FANCC: variants seen among roughly 807,000 people sequenced by gnomAD.
FANCC encodes FA complementation group C.
A neutral mutation model predicts 71.3 loss-of-function variants in FANCC; 55 were observed. That is an observed-to-expected ratio of 0.77 (90% confidence interval 0.62 to 0.97). FANCC has a LOEUF of 0.97. FANCC is among the 50% of genes least tolerant of loss of function. FANCC has a pLI of 0.00. For missense variants in FANCC, 678 were observed against 670.9 expected (o/e 1.01, Z -0.12); for synonymous variants, 275 against 244.9 (o/e 1.12, Z -1.15).
chr9:95,149,817 A>G (rs1830037781), intron 7 of FANCC, 106 bp downstream of exon 7: 1 of 1,291,444 alleles, frequency 7.7e-7, no homozygotes, highest in African/African-American at 1.5e-5. Context: ...AAGGGTACTG[A>G]GACAAAAACG....
chr9:95,249,036 G>A, intron 2 of FANCC, 91 bp downstream of exon 2: 3 of 1,396,172 alleles, frequency 2.1e-6, no homozygotes, highest in East Asian at 4.6e-5. Context: ...AATACCACAA[G>A]TCCCGATTCT....
intron 1 of FANCC, among the ~76,000 whole-genome samples, chr9:95,252,901 T>A (rs1341426493): frequency 6.6e-6 from 1 of 151,138 alleles, no homozygotes; most frequent in Non-Finnish European, 1.5e-5. Flanking sequence ...AAAAATTTTT[T>A]TTTTTAATTA....
rs80242392 is a variant in FANCC, at chr9:95,184,365, C to T, written c.346-12218G>A. Among the ~76,000 whole-genome samples, 505 of 152,058 alleles carry T rather than the reference C, an allele frequency of 3.3e-3. 9 individuals carry two copies. In the East Asian group the frequency reaches 0.044, roughly 13 times the overall value. ...AACACAATTTTAAATTATCACTTCC[C>T]CCTGCAAACAAAGACAAACTAGAAA... On this transcript the variant is annotated intron_variant, in intron 4 of 14. Transcript: ENST00000289081.
At chr9:95,198,871 A>G (rs145555615) in intron 4 of FANCC, among the ~76,000 whole-genome samples, 1,665 of 151,936 alleles carry the variant, frequency 0.011, 23 homozygotes, top group African/African-American at 0.037. Flanking sequence ...CCAAGTAGCT[A>G]GGACAACAGG....
intron 7 of FANCC, among the ~76,000 whole-genome samples, chr9:95,136,926 C>T (rs773271298): frequency 6.6e-6 from 1 of 152,202 alleles, no homozygotes; most frequent in Non-Finnish European, 1.5e-5. Flanking sequence ...CAACTGCTGG[C>T]TCTGGGATAC....
intron 6 of FANCC, among the ~76,000 whole-genome samples, chr9:95,164,610 G>T (rs951935158): frequency 6.6e-6 from 1 of 152,236 alleles, no homozygotes; most frequent in East Asian, 1.9e-4. Flanking sequence ...AGTGATTTTT[G>T]TATGTTGAGC....
intron 1 of FANCC, among the ~76,000 whole-genome samples, chr9:95,274,440 G>A (rs1018167971): frequency 2.0e-5 from 3 of 152,156 alleles, no homozygotes; most frequent in Non-Finnish European, 4.4e-5. Context: ...GGGCATTTGG[G>A]TTGGTTCCAA....
At chr9:95,250,361 A>AT (rs1793366894) in intron 1 of FANCC, among the ~76,000 whole-genome samples, 1 of 152,044 alleles carries the variant, frequency 6.6e-6, no homozygotes, top group South Asian at 2.1e-4. Context: ...AACAGGTAAA[A>AT]TGCTCCCAAT....
intron 1 of FANCC, among the ~76,000 whole-genome samples, chr9:95,257,402 G>A (rs753053203): frequency 2.3e-4 from 35 of 152,172 alleles, no homozygotes; most frequent in Non-Finnish European, 4.0e-4. Context: ...CAACTACATG[G>A]AAACTGAACA....
chr9:95,129,205 C>T (rs1215519490), intron 8 of FANCC, among the ~76,000 whole-genome samples: 1 of 152,150 alleles, frequency 6.6e-6, no homozygotes, highest in South Asian at 2.1e-4. Context: ...CTCATCTGCA[C>T]CCCTCACCGA....
intron 4 of FANCC, among the ~76,000 whole-genome samples, chr9:95,182,878 G>A (rs535089840): frequency 2.2e-4 from 33 of 152,040 alleles, no homozygotes; most frequent in Non-Finnish European, 4.4e-4. Context: ...GTGTGATGTC[G>A]CTGGGACAGG....
intron 14 of FANCC, among the ~76,000 whole-genome samples, chr9:95,102,629 C>T (rs2071148827): frequency 6.6e-6 from 1 of 152,226 alleles, no homozygotes; most frequent in South Asian, 2.1e-4. Flanking sequence ...CCAAGGTCAG[C>T]TTCCTCTGGA....
intron 13 of FANCC, chr9:95,111,018 C>T: frequency 7.0e-7 from 1 of 1,438,480 alleles, no homozygotes; most frequent in South Asian, 1.5e-5. Context: ...TTGACTGATC[C>T]AAGAAAGGAG....
intron 1 of FANCC, among the ~76,000 whole-genome samples, chr9:95,250,076 T>C (rs565653704): frequency 2.8e-4 from 43 of 152,306 alleles, no homozygotes; most frequent in Non-Finnish European, 4.7e-4. Flanking sequence ...CCTGACTTCC[T>C]ACCCCTGAAG....
chr9:95,115,712 T>C (rs1190391572), intron 11 of FANCC, among the ~76,000 whole-genome samples: 1 of 152,212 alleles, frequency 6.6e-6, no homozygotes, highest in Admixed American at 6.5e-5. Context: ...GACAAACTGC[T>C]GCTACTCCAC....
intron 1 of FANCC, among the ~76,000 whole-genome samples, chr9:95,312,551 T>C (rs1007242721): frequency 6.6e-6 from 1 of 152,226 alleles, no homozygotes; most frequent in African/African-American, 2.4e-5. Flanking sequence ...GGGGTTTTGC[T>C]ATGTTGCCCA....
intron 8 of FANCC, chr9:95,127,401 T>C (rs1311992980): frequency 6.6e-6 from 1 of 152,270 alleles, no homozygotes; most frequent in Non-Finnish European, 1.5e-5. Context: ...GAAGGCAATG[T>C]TTCCACAGAC....
Position 95,135,501 on chromosome 9 carries a change from T to C in FANCC, c.688A>G (p.Lys230Glu). 1 of 1,613,808 alleles carries C rather than the reference T, an allele frequency of 6.2e-7. No individual in the cohort carries two copies. Among genetic ancestry groups the C allele is most frequent in the African/African-American group, 1.3e-5 (1 of 75,040 alleles). Residue 230 changes from lysine to glutamate, a missense_variant and splice_region_variant, in exon 8 of 15, where the codon AAG becomes GAG. Transcript: ENST00000289081. ...GCTGACATGGGGAGAGAAATCTTCT[T>C]CCTTTCAGAAAGAAATAAACAAAAT... Reference protein sequence around the residue: ...FEAVNEAILLKKISLPMSAVV... With the variant: ...FEAVNEAILLEKISLPMSAVV...
chr9:95,149,164 TAACA>T (rs1026558824), intron 7 of FANCC, among the ~76,000 whole-genome samples: 6 of 152,270 alleles, frequency 3.9e-5, no homozygotes, highest in Admixed American at 3.3e-4. Flanking sequence ...ATTTTTTAAG[TAACA>T]AACACATTTT....
Sources: allele counts gnomAD v4.1 joint callset (sites outside exome capture counted in the v4.1 genomes callset), GRCh38; gene constraint gnomAD v4.1.1; transcripts MANE v1.5; gene names NCBI Gene and HGNC (gene_info 2026-07-23, HGNC 2026-07-21).